Variants in PPP3CC observed in about 807,000 individuals in gnomAD.
PPP3CC encodes the protein serine/threonine-protein phosphatase 2B catalytic subunit gamma isoform.
A neutral mutation model predicts 60.3 loss-of-function variants in PPP3CC; 35 were observed. That is an observed-to-expected ratio of 0.58 (90% CI 0.44 to 0.77). PPP3CC has a LOEUF of 0.77. Ranked by LOEUF, PPP3CC falls within the 30% of genes least tolerant of loss-of-function variation. The probability of loss-of-function intolerance (pLI) is 0.00; values close to 1 mark genes in which losing one functional copy is unlikely to be tolerated. For synonymous variants in PPP3CC, 206 were observed against 224.3 expected (o/e 0.92, Z 0.73); for missense variants, 570 against 628.9 (o/e 0.91, Z 1.00).
Position 22,540,619 on chromosome 8 carries a change from C to T in PPP3CC, c.1356C>T (p.Ile452=). ...TVEAVEAREA[I]RGFSLQHKIR... ...CTGCTTCCTGTTTTTCTGTAGCCAT[C>T]AGAGGGTTCTCGCTTCAGCACAAGA... Residue 452 remains isoleucine (I), a synonymous_variant, in exon 14 of 14, where the codon ATC becomes ATT. Coordinates refer to ENST00000240139, the MANE Select transcript of PPP3CC (RefSeq NM_005605.5). 2 of 1,612,484 alleles carry T rather than the reference C, an allele frequency of 1.2e-6. No individual in the cohort carries two copies. The highest frequency in any genetic ancestry group is 1.8e-4 in the Middle Eastern group (1 of 5,518).
At chr8:22,481,345 A>AAAT (rs56115827) in intron 3 of PPP3CC, among the ~76,000 whole-genome samples, 25,006 of 143,780 alleles carry the variant, frequency 0.17, 2,489 homozygotes, top group Non-Finnish European at 0.24. Context: ...CAAGAAAAAT[A>AAAT]AATAATAATA....
chr8:22,534,256 C>G (rs1839794164), intron 12 of PPP3CC, among the ~76,000 whole-genome samples: 1 of 148,266 alleles, frequency 6.7e-6, no homozygotes, highest in Non-Finnish European at 1.5e-5. Context: ...ACTAGAATGG[C>G]TAAAAATTAA....
chr8:22,472,738 T>G (rs567578324), intron 1 of PPP3CC, among the ~76,000 whole-genome samples: 1 of 152,316 alleles, frequency 6.6e-6, no homozygotes, highest in East Asian at 1.9e-4. Context: ...TCACACTTCC[T>G]AAGGAGTTTG....
intron 1 of PPP3CC, among the ~76,000 whole-genome samples, chr8:22,451,634 G>A (rs1417989114): frequency 6.6e-6 from 1 of 152,184 alleles, no homozygotes; most frequent in Non-Finnish European, 1.5e-5. Context: ...GACCCTCCCA[G>A]CCCCCTTCGG....
chr8:22,489,593 A>G (rs1465711492), intron 3 of PPP3CC, among the ~76,000 whole-genome samples: 1 of 143,362 alleles, frequency 7.0e-6, no homozygotes, highest in South Asian at 2.1e-4. Context: ...TATATATTAT[A>G]TATAATAGTG....
chr8:22,441,327 A>G lies in PPP3CC; in HGVS notation c.-83A>G, dbSNP rs995696353. ...GCTGGCTGACGGCTCCGGGCAGCTA[A>G]GGCTGCCCGAGGAGAAGGCGGCGGC... On this transcript the variant is annotated 5_prime_UTR_variant, in exon 1 of 14. Transcript: ENST00000240139. 5 of 1,399,262 alleles carry G rather than the reference A, an allele frequency of 3.6e-6. No individual in the cohort carries two copies. In the African/African-American group the frequency reaches 7.6e-5, roughly 21 times the overall value. 86.7% of individuals were successfully genotyped at this position (1,399,262 alleles called of 1,614,324 possible). A position where few individuals can be genotyped will look rare whatever the true frequency, so the allele number is the denominator to read the frequency against.
At chr8:22,532,334 A>G in intron 11 of PPP3CC, 28 bp downstream of exon 11, 1 of 1,550,632 alleles carries the variant, frequency 6.4e-7, no homozygotes, top group Non-Finnish European at 8.9e-7. Flanking sequence ...TACAGTGCGG[A>G]TTAAAGGCAT....
chr8:22,441,114 C>T lies in PPP3CC; in HGVS notation c.-296C>T, dbSNP rs2272081. The T allele has an allele frequency of 0.25, 72,480 of 288,988 alleles. 11,033 individuals carry two copies. Among genetic ancestry groups the T allele is most frequent in the East Asian group, 0.52 (9,440 of 18,288 alleles). The allele number at this position is 288,988 out of a possible 1,614,324, so 17.9% of individuals were successfully genotyped here. A position where few individuals can be genotyped will look rare whatever the true frequency, so the allele number is the denominator to read the frequency against. ...GGCCCGGGCCGCGAGCAGCCGCGGC[C>T]GTCCCGGTCGCCACCCTTAGCAGCG... is the stretch of plus-strand genomic sequence containing the variant. On this transcript the variant is annotated 5_prime_UTR_variant, in exon 1 of 14. Transcript: ENST00000240139.
chr8:22,499,889 T>G (rs1838712257), intron 4 of PPP3CC, among the ~76,000 whole-genome samples: 1 of 152,238 alleles, frequency 6.6e-6, no homozygotes, highest in African/African-American at 2.4e-5. Flanking sequence ...CTGAGATTTA[T>G]GTGTATTTAT....
chr8:22,517,481 A>T (rs1215830498), intron 6 of PPP3CC, among the ~76,000 whole-genome samples: 3 of 152,122 alleles, frequency 2.0e-5, no homozygotes, highest in Admixed American at 1.3e-4. Context: ...CCATGAAACC[A>T]TCTGGTCCTG....
chr8:22,492,698 A>C, intron 3 of PPP3CC: 1 of 912,914 alleles, frequency 1.1e-6, no homozygotes, highest in Non-Finnish European at 1.8e-6. Context: ...AATGGTTCAC[A>C]GAAAGAAGAA....
At chr8:22,535,748 T>C (rs770819598) in intron 12 of PPP3CC, among the ~76,000 whole-genome samples, 1 of 152,216 alleles carries the variant, frequency 6.6e-6, no homozygotes. Context: ...TTTCTTTTCT[T>C]GGAGACAGAG....
chr8:22,525,543 C>CTTTCTTTCTTT, intron 8 of PPP3CC, among the ~76,000 whole-genome samples: 1 of 35,000 alleles, frequency 2.9e-5, no homozygotes, highest in Non-Finnish European at 5.6e-5. Context: ...TCTTTCTCTC[C>CTTTCTTTCTTT]CTCTCTCTCT....
chr8:22,476,013 G>T (rs1358119362), intron 3 of PPP3CC, among the ~76,000 whole-genome samples: 2 of 152,142 alleles, frequency 1.3e-5, no homozygotes, highest in African/African-American at 4.8e-5. Flanking sequence ...TAGATTAACT[G>T]CCAGTGCTAA....
Position 22,522,653 on chromosome 8 carries a change from A to T in PPP3CC, c.849-2A>T. On this transcript the variant is annotated splice_acceptor_variant, in intron 7 of 13. Transcript: ENST00000240139. LOFTEE classifies it high-confidence loss of function. ...ACAGATGGACTTTCATCTCTTTTTC[A>T]GGTATCGAATGTACAGGAAGAGCCA... 1.9e-6 allele frequency: 3 copies of T among 1,600,284 alleles called. No homozygotes were observed. Among genetic ancestry groups the T allele is most frequent in the Non-Finnish European group, 1.7e-6 (2 of 1,170,322 alleles).
At chr8:22,517,921 T>C (rs1298383444) in intron 6 of PPP3CC, among the ~76,000 whole-genome samples, 2 of 152,120 alleles carry the variant, frequency 1.3e-5, no homozygotes, top group Non-Finnish European at 2.9e-5. Flanking sequence ...TTTTCTAGTT[T>C]CTTGAAGTGT....
chr8:22,506,155 G>A (rs1040274450), intron 4 of PPP3CC, among the ~76,000 whole-genome samples: 2 of 152,128 alleles, frequency 1.3e-5, no homozygotes, highest in African/African-American at 4.8e-5. Flanking sequence ...AGCAGCATGA[G>A]CCAGGCACTG....
At chr8:22,539,538 T>C (rs1453003178) in intron 13 of PPP3CC, 40 bp downstream of exon 13, 3 of 1,591,302 alleles carry the variant, frequency 1.9e-6, no homozygotes. Flanking sequence ...TCCATGTGTC[T>C]GTGTACTGGT....
chr8:22,503,809 T>C (rs1838832139), intron 4 of PPP3CC, among the ~76,000 whole-genome samples: 2 of 152,208 alleles, frequency 1.3e-5, no homozygotes, highest in South Asian at 4.1e-4. Context: ...TTCTTTTTTA[T>C]TATAATGCTG....
Sources: allele counts gnomAD v4.1 joint callset (sites outside exome capture counted in the v4.1 genomes callset), GRCh38; gene constraint gnomAD v4.1.1; transcripts MANE v1.5; gene names NCBI Gene and HGNC (gene_info 2026-07-23, HGNC 2026-07-21).